FGF12: variants seen among roughly 807,000 people sequenced by gnomAD.
The protein encoded by FGF12 is fibroblast growth factor 12.
In FGF12, 14 loss-of-function variants were observed where a neutral mutation model predicts 23.6. The observed-to-expected ratio is 0.59, with a 90% CI of 0.39 to 0.93. The LOEUF is 0.93. Ranked by LOEUF, FGF12 falls within the 40% of genes least tolerant of loss-of-function variation. FGF12 has a pLI of 0.00. For missense variants in FGF12, 175 were observed against 217.8 expected (o/e 0.80, Z 1.24); for synonymous variants, 62 against 77.3 (o/e 0.80, Z 1.04).
chr3:192,158,618 CTT>C (rs1399719188), intron 5 of FGF12, among the ~76,000 whole-genome samples: 66 of 109,912 alleles, frequency 6.0e-4, no homozygotes, highest in Non-Finnish European at 9.3e-4. Flanking sequence ...CTTCTTCCTT[CTT>C]TCTTTCTCTC....
intron 2 of FGF12, among the ~76,000 whole-genome samples, chr3:192,414,569 A>T (rs1721286762): frequency 6.6e-6 from 1 of 152,236 alleles, no homozygotes; most frequent in South Asian, 2.1e-4. Flanking sequence ...TATCTCACTG[A>T]GACTCTTCAA....
chr3:192,715,248 T>C (rs924730787), intron 2 of FGF12, among the ~76,000 whole-genome samples: 1 of 152,218 alleles, frequency 6.6e-6, no homozygotes, highest in Non-Finnish European at 1.5e-5. Context: ...CTTCCACAAT[T>C]TGCTTCCAAC....
chr3:192,670,119 A>G (rs1047708620), intron 2 of FGF12, among the ~76,000 whole-genome samples: 1 of 152,230 alleles, frequency 6.6e-6, no homozygotes, highest in Non-Finnish European at 1.5e-5. Context: ...GTATACCTCA[A>G]CCAAAACAAT....
intron 4 of FGF12, among the ~76,000 whole-genome samples, chr3:192,211,744 T>C (rs946553874): frequency 1.3e-5 from 2 of 152,084 alleles, no homozygotes; most frequent in Admixed American, 1.3e-4. Context: ...TTTGTAAACA[T>C]AAAAATATTG....
intron 2 of FGF12, among the ~76,000 whole-genome samples, chr3:192,595,386 C>T (rs1713797660): frequency 6.6e-6 from 1 of 152,214 alleles, no homozygotes; most frequent in South Asian, 2.1e-4. Flanking sequence ...ACAGTTTCCT[C>T]CTCCCACTCC....
chr3:192,312,005 A>G (rs935417216), intron 4 of FGF12, among the ~76,000 whole-genome samples: 1 of 151,314 alleles, frequency 6.6e-6, no homozygotes, highest in African/African-American at 2.4e-5. Context: ...CACCCTTTCA[A>G]TTAGGTTATA....
chr3:192,425,971 A>G (rs549069120), intron 2 of FGF12, among the ~76,000 whole-genome samples: 2 of 152,350 alleles, frequency 1.3e-5, no homozygotes, highest in South Asian at 4.1e-4. Flanking sequence ...CTTGAGACAA[A>G]GCTCCAAGAG....
At chr3:192,721,174 C>CAAT (rs1225288554) in intron 2 of FGF12, among the ~76,000 whole-genome samples, 1 of 152,070 alleles carries the variant, frequency 6.6e-6, no homozygotes, top group Non-Finnish European at 1.5e-5. Context: ...GGCAGAGGAC[C>CAAT]AATTTCTACC....
chr3:192,192,303 TTG>T (rs1716832599), intron 4 of FGF12, among the ~76,000 whole-genome samples: 2 of 151,972 alleles, frequency 1.3e-5, no homozygotes, highest in South Asian at 4.1e-4. Flanking sequence ...CTTTCTCTCA[TTG>T]TCTCTTAGGC....
At position 192,143,191 on chromosome 3, in the gene FGF12, A is replaced by G. The variant is rs1329371551; in HGVS notation, c.*818T>C. 6.6e-6 allele frequency: 1 copy of G among 151,338 alleles called. No homozygotes were observed. The highest frequency in any genetic ancestry group is 2.4e-5 in the African/African-American group (1 of 41,220). The allele number at this position is 151,338 out of a possible 1,614,324, so 9.4% of individuals were successfully genotyped here. A position where few individuals can be genotyped will look rare whatever the true frequency, so the allele number is the denominator to read the frequency against. On this transcript the variant is annotated 3_prime_UTR_variant, in exon 6 of 6. Coordinates refer to ENST00000445105, the MANE Select transcript of FGF12 (RefSeq NM_004113.6). ...TGGCACTGGCAAAAGTCACTTCAGC[A>G]TTAGAACAGTAATGTTTTTGCTAAA... is the stretch of plus-strand genomic sequence containing the variant.
At chr3:192,383,507 A>G (rs1375048779) in intron 2 of FGF12, among the ~76,000 whole-genome samples, 1 of 150,552 alleles carries the variant, frequency 6.6e-6, no homozygotes, top group African/African-American at 2.5e-5. Context: ...CATGGTTCCA[A>G]GGATTCTGAT....
chr3:192,184,574 TG>T (rs1395584805), intron 4 of FGF12, among the ~76,000 whole-genome samples: 17 of 152,292 alleles, frequency 1.1e-4, no homozygotes, highest in Admixed American at 1.0e-3. Flanking sequence ...AAGGGAACAA[TG>T]GGTGAAAGGT....
Position 192,556,079 on chromosome 3 carries a change from G to A in FGF12, c.13+171102C>T, listed in dbSNP as rs188467833. ...TAAAAAAAAAATCAACAAAACACAA[G>A]GGAAGACAACAAGAGAAGAAAGGAG... On this transcript the variant is annotated intron_variant, in intron 2 of 5. Transcript: ENST00000445105. 1.4e-4 allele frequency among the ~76,000 whole-genome samples: 22 copies of A among 151,828 alleles called. No individual in the cohort carries two copies. The East Asian group carries it at 4.3e-3, about 29-fold the overall frequency.
chr3:192,354,337 C>CA (rs1718367650), intron 3 of FGF12, among the ~76,000 whole-genome samples: 1 of 151,214 alleles, frequency 6.6e-6, no homozygotes, highest in Admixed American at 6.6e-5. Flanking sequence ...GAATACGTTA[C>CA]AAAAAACAAA....
At chr3:192,247,955 A>G (rs1711737789) in intron 4 of FGF12, among the ~76,000 whole-genome samples, 1 of 152,206 alleles carries the variant, frequency 6.6e-6, no homozygotes, top group Non-Finnish European at 1.5e-5. Context: ...GGGCCCACAT[A>G]CTGCTTAAGA....
intron 4 of FGF12, among the ~76,000 whole-genome samples, chr3:192,334,138 C>G (rs541893662): frequency 6.6e-6 from 1 of 151,980 alleles, no homozygotes; most frequent in African/African-American, 2.4e-5. Context: ...TTGGCAGGTC[C>G]GAGCTTAGGC....
chr3:192,413,218 A>C (rs1033296040), intron 2 of FGF12, among the ~76,000 whole-genome samples: 2 of 152,230 alleles, frequency 1.3e-5, no homozygotes. Context: ...GCTAGTTTAC[A>C]CATTCATTTT....
chr3:192,256,926 G>A (rs1185163227), intron 4 of FGF12, among the ~76,000 whole-genome samples: 3 of 151,984 alleles, frequency 2.0e-5, no homozygotes, highest in South Asian at 2.1e-4. Context: ...TTTCACCATC[G>A]CTAGTTTCCA....
intron 4 of FGF12, among the ~76,000 whole-genome samples, chr3:192,256,622 C>T (rs1296371563): frequency 6.6e-5 from 10 of 152,190 alleles, no homozygotes; most frequent in South Asian, 2.1e-4. Context: ...TCAAGTTTCT[C>T]TTGCTCCCTT....
Sources: allele counts gnomAD v4.1 joint callset (sites outside exome capture counted in the v4.1 genomes callset), GRCh38; gene constraint gnomAD v4.1.1; transcripts MANE v1.5; gene names NCBI Gene and HGNC (gene_info 2026-07-23, HGNC 2026-07-21).